PLXNA4: variants seen among roughly 807,000 people sequenced by gnomAD.
PLXNA4 encodes plexin A4.
PLXNA4 carries 44 observed loss-of-function variants against 191.8 expected under a neutral mutation model. The observed-to-expected ratio is 0.23, with a 90% CI of 0.18 to 0.29. The LOEUF is 0.29. Among genes scored for constraint, PLXNA4 ranks in the 10% least tolerant of loss-of-function variants. The pLI, the probability that PLXNA4 is intolerant of heterozygous loss-of-function variation, is 1.00. For synonymous variants in PLXNA4, 1,082 were observed against 1,009.5 expected, an observed-to-expected ratio of 1.07 and a Z score of -1.36; for missense variants, 1,800 against 2,488.8, an observed-to-expected ratio of 0.72 and a Z score of 5.89.
intron 3 of PLXNA4, among the ~76,000 whole-genome samples, chr7:132,419,536 G>C (rs967823691): frequency 6.6e-6 from 1 of 152,214 alleles, no homozygotes; most frequent in Non-Finnish European, 1.5e-5. Context: ...AAGGAAATAA[G>C]AAAATATTTA....
At chr7:132,575,735 G>A (rs1032434251) in intron 1 of PLXNA4, among the ~76,000 whole-genome samples, 1 of 152,192 alleles carries the variant, frequency 6.6e-6, no homozygotes, top group Non-Finnish European at 1.5e-5. Context: ...GCTTTAAGCC[G>A]CTTTCTGCCT....
At chr7:132,625,849 A>T (rs1803359514) in intron 2 of PLXNA4, among the ~76,000 whole-genome samples, 1 of 152,228 alleles carries the variant, frequency 6.6e-6, no homozygotes, top group African/African-American at 2.4e-5. Context: ...TACAGCAAAG[A>T]CCACGACAGA....
intron 4 of PLXNA4, among the ~76,000 whole-genome samples, chr7:132,285,390 G>C (rs556668880): frequency 2.3e-4 from 35 of 152,284 alleles, no homozygotes; most frequent in African/African-American, 8.2e-4. Flanking sequence ...TTCTCTACCT[G>C]TTCCTCCACC....
chr7:132,498,789 A>C (rs1008014196), intron 2 of PLXNA4, among the ~76,000 whole-genome samples: 25 of 152,208 alleles, frequency 1.6e-4, no homozygotes, highest in African/African-American at 5.5e-4. Flanking sequence ...GCAGACCAGA[A>C]AACAGGATAG....
chr7:132,132,483 CTCTGCTCTATTCTTTTCTAT>C lies in PLXNA4; in HGVS notation c.5589+546_5589+565del, dbSNP rs1259100974. 1.6e-3 allele frequency among the ~76,000 whole-genome samples: 128 copies of C among 80,846 alleles called. 2 individuals are homozygous for C. Among genetic ancestry groups the C allele is most frequent in the South Asian group, 4.6e-3 (10 of 2,180 alleles). 53.0% of individuals were successfully genotyped at this position (80,846 alleles called of 152,430 possible). On this transcript the variant is annotated intron_variant, in intron 31 of 31. Coordinates refer to ENST00000321063, the MANE Select transcript of PLXNA4 (RefSeq NM_020911.2). ...TTCTGTTCTGCTCTGCTCTGCTCTGCTCTGCTCTATTCTTTTCTATTCTATTCTATTCTATTCTATTCTAT... is the reference window on the plus strand; with the variant it reads ...TTCTGTTCTGCTCTGCTCTGCTCTGCTCTATTCTATTCTATTCTATTCTAT...
At chr7:132,370,887 T>C (rs1195372741) in intron 3 of PLXNA4, among the ~76,000 whole-genome samples, 3 of 152,186 alleles carry the variant, frequency 2.0e-5, no homozygotes, top group African/African-American at 7.2e-5. Context: ...ACTTTTGCCC[T>C]GAGGGTCCCC....
intron 1 of PLXNA4, among the ~76,000 whole-genome samples, chr7:132,564,373 TCTC>T (rs112244070): frequency 0.037 from 4,013 of 107,344 alleles, 206 homozygotes; most frequent in African/African-American, 0.13. Flanking sequence ...TCCTCCTCCT[TCTC>T]CTCCTCCTCC....
At chr7:132,233,251 T>C (rs1013194936) in intron 5 of PLXNA4, among the ~76,000 whole-genome samples, 10 of 152,182 alleles carry the variant, frequency 6.6e-5, no homozygotes, top group Admixed American at 1.3e-4. Context: ...AATTCCTAAT[T>C]CATTATCCTT....
At chr7:132,402,200 T>A (rs1794013392) in intron 3 of PLXNA4, among the ~76,000 whole-genome samples, 1 of 152,138 alleles carries the variant, frequency 6.6e-6, no homozygotes, top group Non-Finnish European at 1.5e-5. Flanking sequence ...TAAGCTTGAG[T>A]ATCTGTTTCC....
chr7:132,503,344 G>A (rs1442064429), intron 2 of PLXNA4, among the ~76,000 whole-genome samples: 1 of 152,188 alleles, frequency 6.6e-6, no homozygotes, highest in Non-Finnish European at 1.5e-5. Context: ...TTATTAAGAG[G>A]TGCTAGTTCG....
chr7:132,310,180 C>T, intron 3 of PLXNA4, among the ~76,000 whole-genome samples: 1 of 152,190 alleles, frequency 6.6e-6, no homozygotes, highest in East Asian at 1.9e-4. Context: ...AAACACAGGT[C>T]TCAGAATTTG....
At chr7:132,449,299 G>A (rs1796030273) in intron 3 of PLXNA4, among the ~76,000 whole-genome samples, 1 of 152,154 alleles carries the variant, frequency 6.6e-6, no homozygotes, top group South Asian at 2.1e-4. Flanking sequence ...TTAGTAAGCT[G>A]GTAACTTGGC....
chr7:132,222,185 C>T (rs1045980438), intron 9 of PLXNA4, among the ~76,000 whole-genome samples: 9 of 152,238 alleles, frequency 5.9e-5, no homozygotes, highest in African/African-American at 2.2e-4. Flanking sequence ...TTACTGTCCA[C>T]CTGTAGAACT....
At chr7:132,177,476 C>A (rs113763674) in intron 20 of PLXNA4, among the ~76,000 whole-genome samples, 3 of 152,184 alleles carry the variant, frequency 2.0e-5, no homozygotes, top group African/African-American at 4.8e-5. Flanking sequence ...TCTGACAAGT[C>A]CTTTGCTGTA....
At chr7:132,235,467 T>C (rs1584881846) in intron 5 of PLXNA4, among the ~76,000 whole-genome samples, 1 of 152,200 alleles carries the variant, frequency 6.6e-6, no homozygotes, top group Non-Finnish European at 1.5e-5. Context: ...TAGAAAAGAA[T>C]AGGAGTGACT....
chr7:132,604,389 G>A (rs1183296161), intron 2 of PLXNA4, among the ~76,000 whole-genome samples: 1 of 152,196 alleles, frequency 6.6e-6, no homozygotes, highest in Non-Finnish European at 1.5e-5. Flanking sequence ...AGACAGGGTA[G>A]ATATCATTCA....
chr7:132,278,034 A>G (rs1216483755), intron 4 of PLXNA4, among the ~76,000 whole-genome samples: 1 of 152,226 alleles, frequency 6.6e-6, no homozygotes, highest in East Asian at 1.9e-4. Flanking sequence ...GATGTCAATT[A>G]ATAATAAGTG....
In PLXNA4 at chr7:132,447,878, G is replaced by T. The variant is rs886860919; in HGVS notation, c.1371+41414C>A. On this transcript the variant is annotated intron_variant, in intron 3 of 31. Coordinates refer to ENST00000321063, the MANE Select transcript of PLXNA4 (RefSeq NM_020911.2). Reference sequence around the variant, plus strand: ...TTAAAAAAATTAGCCAGGTGTGGTGGTGTGTGCCTCTGGTCCCAGCTACTT... The same window carrying T: ...TTAAAAAAATTAGCCAGGTGTGGTGTTGTGTGCCTCTGGTCCCAGCTACTT... Among the ~76,000 whole-genome samples, 3 of 152,038 alleles carry T rather than the reference G, an allele frequency of 2.0e-5. No homozygotes were observed. In the East Asian group the frequency reaches 5.8e-4, roughly 29 times the overall value.
chr7:132,637,512 C>G (rs1218225735), intron 2 of PLXNA4, among the ~76,000 whole-genome samples: 1 of 152,162 alleles, frequency 6.6e-6, no homozygotes, highest in Non-Finnish European at 1.5e-5. Flanking sequence ...TAACTGGGAG[C>G]AAAATATTAG....
Sources: gnomAD v4.1 joint callset for allele counts (sites outside exome capture counted in the v4.1 genomes callset) on GRCh38, gnomAD v4.1.1 for gene constraint, MANE v1.5 for transcripts, NCBI Gene and HGNC (gene_info 2026-07-23, HGNC 2026-07-21) for gene names.